Variants in PHACTR3 observed in about 807,000 individuals in gnomAD.
PHACTR3 encodes the protein phosphatase and actin regulator 3, also known as protein phosphatase 1, regulatory subunit 123.
A neutral mutation model predicts 66.8 loss-of-function variants in PHACTR3; 16 were observed. That is an observed-to-expected ratio of 0.24 (90% confidence interval 0.16 to 0.36). The LOEUF (loss-of-function observed/expected upper bound fraction) is 0.36. Ranked by LOEUF, PHACTR3 falls within the 10% of genes least tolerant of loss-of-function variation. PHACTR3 has a pLI of 1.00. For missense variants in PHACTR3, 647 were observed against 719.9 expected, an observed-to-expected ratio of 0.90 and a Z score of 1.16; for synonymous variants, 323 against 292.1, an observed-to-expected ratio of 1.11 and a Z score of -1.08.
At chr20:59,776,266 A>T (rs974220012) in intron 7 of PHACTR3, among the ~76,000 whole-genome samples, 6 of 152,090 alleles carry the variant, frequency 3.9e-5, no homozygotes, top group Admixed American at 3.9e-4. Context: ...TGAGGCTATG[A>T]CATCATAGTC....
At chr20:59,739,855 C>T (rs1189986202) in intron 1 of PHACTR3, among the ~76,000 whole-genome samples, 1 of 151,926 alleles carries the variant, frequency 6.6e-6, no homozygotes, top group South Asian at 2.1e-4. Context: ...GCTTTGGGTC[C>T]CCTCGATGCA....
At chr20:59,592,859 A>G (rs1171577188) in intron 1 of PHACTR3, among the ~76,000 whole-genome samples, 2 of 152,168 alleles carry the variant, frequency 1.3e-5, no homozygotes, top group South Asian at 2.1e-4. Flanking sequence ...TAATATTCCA[A>G]TGTCTGGATC....
At chr20:59,678,054 C>T (rs139679417) in intron 1 of PHACTR3, among the ~76,000 whole-genome samples, 556 of 152,312 alleles carry the variant, frequency 3.7e-3, no homozygotes, top group Non-Finnish European at 4.6e-3. Context: ...TATGAAAATG[C>T]GCTCTTTCTT....
chr20:59,646,912 G>A (rs1037377421), intron 1 of PHACTR3, among the ~76,000 whole-genome samples: 3 of 152,208 alleles, frequency 2.0e-5, no homozygotes, highest in Admixed American at 1.3e-4. Context: ...TGTTGTGGGA[G>A]GAAGCCCAAG....
At chr20:59,695,864 C>T (rs2037278723) in intron 1 of PHACTR3, among the ~76,000 whole-genome samples, 1 of 152,060 alleles carries the variant, frequency 6.6e-6, no homozygotes, top group Non-Finnish European at 1.5e-5. Flanking sequence ...TCCTGAGTAG[C>T]TGGGACTACA....
intron 8 of PHACTR3, among the ~76,000 whole-genome samples, chr20:59,812,341 A>G (rs1032630818): frequency 1.3e-5 from 2 of 152,148 alleles, no homozygotes; most frequent in African/African-American, 4.8e-5. Context: ...CAGTTAGCGG[A>G]TCTCTGAGTG....
chr20:59,609,947 A>G (rs894774829), intron 1 of PHACTR3, among the ~76,000 whole-genome samples: 3 of 152,214 alleles, frequency 2.0e-5, no homozygotes, highest in African/African-American at 7.2e-5. Flanking sequence ...ATTATAGAAA[A>G]TGGATGCTTT....
At chr20:59,604,537 T>G, upstream of PHACTR3, 3 of 740,636 alleles carry the variant, frequency 4.1e-6, no homozygotes, top group Non-Finnish European at 4.9e-6. Flanking sequence ...AAGAACAGCT[T>G]TCAGATTAAA....
chr20:59,786,285 G>T (rs1421897751), intron 7 of PHACTR3, among the ~76,000 whole-genome samples: 3 of 152,240 alleles, frequency 2.0e-5, no homozygotes, highest in African/African-American at 7.2e-5. Context: ...CCAGTCTGTG[G>T]GGCTGGCACC....
chr20:59,698,530 AG>A (rs1412936231), intron 1 of PHACTR3, among the ~76,000 whole-genome samples: 12 of 152,116 alleles, frequency 7.9e-5, no homozygotes, highest in African/African-American at 2.9e-4. Context: ...AATACCCTCC[AG>A]TTTTGTGCAT....
intron 1 of PHACTR3, among the ~76,000 whole-genome samples, chr20:59,643,199 C>T (rs900712969): frequency 2.0e-5 from 3 of 152,138 alleles, no homozygotes; most frequent in African/African-American, 7.2e-5. Context: ...GCGTGAGCCA[C>T]TGCGCCGGCC....
intron 10 of PHACTR3, 106 bp downstream of exon 10, chr20:59,840,536 A>C: frequency 6.7e-7 from 1 of 1,491,848 alleles, no homozygotes; most frequent in Admixed American, 2.3e-5. Flanking sequence ...GTGATCATGA[A>C]TAATGTTCTC....
chr20:59,707,894 A>G (rs144235425), intron 1 of PHACTR3, among the ~76,000 whole-genome samples: 3,542 of 152,310 alleles, frequency 0.023, 135 homozygotes, highest in African/African-American at 0.081. Flanking sequence ...CAGAACCATG[A>G]GCCAAATAAA....
At chr20:59,681,335 T>C (rs1006528843) in intron 1 of PHACTR3, among the ~76,000 whole-genome samples, 2 of 152,010 alleles carry the variant, frequency 1.3e-5, no homozygotes, top group African/African-American at 4.8e-5. Context: ...GGTTGTGGAG[T>C]CTAGAGTACA....
chr20:59,597,925 A>G (rs1400698160), intron 1 of PHACTR3, among the ~76,000 whole-genome samples: 5 of 152,222 alleles, frequency 3.3e-5, no homozygotes, highest in Admixed American at 6.5e-5. Flanking sequence ...CTCTCTGTCT[A>G]TCAGCAATCT....
Position 59,635,101 on chromosome 20 carries a change from CTCTTTCTTTCTTTCTT to C in PHACTR3, c.118+30003_118+30018del, listed in dbSNP as rs1357018312. Among the ~76,000 whole-genome samples the C allele has an allele frequency of 2.4e-3, 222 of 92,986 alleles. 1 individual carries two copies. Among genetic ancestry groups the C allele is most frequent in the South Asian group, 0.014 (31 of 2,234 alleles). The allele number at this position is 92,986 out of a possible 152,430, so 61.0% of individuals were successfully genotyped here. ...TTCTTTTTTCTTTCTTTCTTTCTCT[CTCTTTCTTTCTTTCTT>C]TCTTTCTTTCTTTCTTTCTTTCTTT... On this transcript the variant is annotated intron_variant, in intron 1 of 12. Transcript: ENST00000371015.
At chr20:59,825,821 G>A (rs996931291) in intron 8 of PHACTR3, among the ~76,000 whole-genome samples, 1 of 152,168 alleles carries the variant, frequency 6.6e-6, no homozygotes, top group Non-Finnish European at 1.5e-5. Context: ...CCAAATTCAT[G>A]TGTCACCCCC....
intron 7 of PHACTR3, among the ~76,000 whole-genome samples, chr20:59,794,309 A>C (rs2041192001): frequency 6.6e-6 from 1 of 152,152 alleles, no homozygotes. Context: ...GTGATGTTGA[A>C]TTTTGTCAAA....
intron 4 of PHACTR3, among the ~76,000 whole-genome samples, chr20:59,756,637 T>C (rs2039804802): frequency 6.6e-6 from 1 of 151,672 alleles, no homozygotes; most frequent in African/African-American, 2.4e-5. Context: ...CACAGGTCTC[T>C]GTGTGCCCCA....
Sources: allele counts gnomAD v4.1 joint callset (sites outside exome capture counted in the v4.1 genomes callset), GRCh38; gene constraint gnomAD v4.1.1; transcripts MANE v1.5; gene names NCBI Gene and HGNC (gene_info 2026-07-23, HGNC 2026-07-21).